The following POMZP3 variants were observed in gnomAD, a reference collection of about 807,000 sequenced individuals.
The protein encoded by POMZP3 is POM121 and ZP3 fusion.
Under a neutral mutation model 19.8 loss-of-function variants are expected in POMZP3, and 10 were observed. The observed-to-expected ratio is 0.51, with a 90% CI of 0.31 to 0.86. POMZP3 has a LOEUF of 0.86. POMZP3 is among the 40% of genes least tolerant of loss of function. POMZP3 has a pLI of 0.04. For missense variants in POMZP3, 152 were observed against 228.1 expected, an observed-to-expected ratio of 0.67 and a Z score of 2.15; for synonymous variants, 57 against 85.8, an observed-to-expected ratio of 0.66 and a Z score of 1.85.
intron 3 of POMZP3, among the ~76,000 whole-genome samples, chr7:76,625,078 A>T (rs2116884879): frequency 7.2e-6 from 1 of 139,700 alleles, no homozygotes; most frequent in South Asian, 2.4e-4. Context: ...GCTTGCAGTG[A>T]GCTGAGATCG....
At chr7:76,623,039 T>G (rs1231130681) in intron 3 of POMZP3, among the ~76,000 whole-genome samples, 1 of 151,690 alleles carries the variant, frequency 6.6e-6, no homozygotes. Context: ...TGGCTAATTT[T>G]CATATTTTGT....
chr7:76,625,248 G>A (rs1312519111), intron 3 of POMZP3, among the ~76,000 whole-genome samples: 1 of 149,310 alleles, frequency 6.7e-6, no homozygotes, highest in Non-Finnish European at 1.5e-5. Flanking sequence ...CTTTTAACAC[G>A]TTTCTACAGA....
chr7:76,624,448 A>AG (rs1815743387), intron 3 of POMZP3, among the ~76,000 whole-genome samples: 1 of 104,966 alleles, frequency 9.5e-6, no homozygotes, highest in Non-Finnish European at 1.9e-5. Flanking sequence ...AAACCACATA[A>AG]GGAATTTTTT....
chr7:76,625,949 G>T lies in POMZP3; in HGVS notation c.65+51C>A, dbSNP rs747470759. Reference sequence around the variant, plus strand: ...TGTTGTCATAGGAACAACTGGAGAAGAATAAAGTGGACACGAAAAGGGAGA... The same window carrying T: ...TGTTGTCATAGGAACAACTGGAGAATAATAAAGTGGACACGAAAAGGGAGA... On this transcript the variant is annotated intron_variant, in intron 2 of 6. Transcript: ENST00000310842. The T allele has an allele frequency of 4.4e-6, 7 of 1,606,986 alleles. No homozygotes were observed. The African/African-American group carries it at 6.7e-5, about 15-fold the overall frequency.
chr7:76,625,132 C>CAAAAAAAAAAAAAAAA, intron 3 of POMZP3, among the ~76,000 whole-genome samples: 1 of 54,388 alleles, frequency 1.8e-5, no homozygotes, highest in Non-Finnish European at 3.5e-5. Context: ...GACTCCAACT[C>CAAAAAAAAAAAAAAAA]AAAAAAAAAA....
chr7:76,625,452 G>A lies in POMZP3; in HGVS notation c.227+70C>T, dbSNP rs148261484. The A allele has an allele frequency of 7.3e-4, 1,161 of 1,599,886 alleles. 1 individual carries two copies. The African/African-American group carries it at 0.013, about 18-fold the overall frequency. ...TGGAGGTGGCCTCTGTATCTTTACG[G>A]GAATGTCTACATCTCATCCCATAGG... On this transcript the variant is annotated intron_variant, in intron 3 of 6. Coordinates refer to ENST00000310842, the MANE Select transcript of POMZP3 (RefSeq NM_012230.5).
Position 76,616,395 on chromosome 7 carries a change from C to G in POMZP3, c.345+1788G>C, listed in dbSNP as rs1815290638. Reference sequence around the variant, plus strand: ...TTAGTTAATGTTACAAAATGTGACACCAGGCCCTACCCCAATAGAGTGAAG... The same window carrying G: ...TTAGTTAATGTTACAAAATGTGACAGCAGGCCCTACCCCAATAGAGTGAAG... On this transcript the variant is annotated intron_variant, in intron 4 of 6. Transcript: ENST00000310842. Among the ~76,000 whole-genome samples the G allele has an allele frequency of 2.0e-5, 2 of 101,250 alleles. 1 individual carries two copies. The highest frequency in any genetic ancestry group is 4.4e-5 in the Non-Finnish European group (2 of 45,434). The allele number at this position is 101,250 out of a possible 152,430, so 66.4% of individuals were successfully genotyped here.
chr7:76,618,995 C>T (rs985055952), intron 3 of POMZP3, among the ~76,000 whole-genome samples: 3 of 152,080 alleles, frequency 2.0e-5, no homozygotes, highest in Admixed American at 2.0e-4. Context: ...ACCATATTGC[C>T]CAAGTTGGTC....
intron 3 of POMZP3, chr7:76,621,327 A>C (rs1815547210): frequency 6.7e-6 from 1 of 148,588 alleles, no homozygotes; most frequent in Non-Finnish European, 1.5e-5. Flanking sequence ...TTGATGCTGG[A>C]ACCCAGTGTC....
chr7:76,622,069 G>C (rs1241988405), intron 3 of POMZP3, among the ~76,000 whole-genome samples: 7 of 144,828 alleles, frequency 4.8e-5, no homozygotes, highest in Non-Finnish European at 1.1e-4. Context: ...ACTCCCACCA[G>C]CTTCATGACA....
chr7:76,626,594 C>A lies in POMZP3; in HGVS notation c.-152+114G>T, dbSNP rs1332693836. The stretch of plus-strand genomic sequence containing the variant: ...GCACACACCAAGGTGTTAAGGAGGG[C>A]AAAACCACACACAATTCCCTTCGGA... On this transcript the variant is annotated intron_variant, in intron 1 of 6. Transcript: ENST00000310842. 2.8e-6 allele frequency: 3 copies of A among 1,074,792 alleles called. No individual in the cohort carries two copies. The East Asian group carries it at 8.6e-5, about 31-fold the overall frequency. The allele number at this position is 1,074,792 out of a possible 1,614,324, so 66.6% of individuals were successfully genotyped here. A position where few individuals can be genotyped will look rare whatever the true frequency, so the allele number is the denominator to read the frequency against.
intron 4 of POMZP3, among the ~76,000 whole-genome samples, chr7:76,614,564 C>CCA (rs1563800573): frequency 2.1e-5 from 1 of 47,852 alleles, no homozygotes; most frequent in South Asian, 8.7e-4. Context: ...CCATTTCCCC[C>CCA]AAAAAAAAAA....
chr7:76,625,812 T>C lies in POMZP3; in HGVS notation c.66-129A>G, dbSNP rs572886681. On this transcript the variant is annotated intron_variant, in intron 2 of 6. Transcript: ENST00000310842. ...ACTCACAACAGTTCCCCTTAGCAAGTAAAGCTACTTTTTCGTTAACGGCAA... is the reference window on the plus strand; with the variant it reads ...ACTCACAACAGTTCCCCTTAGCAAGCAAAGCTACTTTTTCGTTAACGGCAA... The C allele has an allele frequency of 2.9e-6, 4 of 1,383,150 alleles. No individual in the cohort carries two copies. The East Asian group carries it at 7.1e-5, about 25-fold the overall frequency. The allele number at this position is 1,383,150 out of a possible 1,614,324, so 85.7% of individuals were successfully genotyped here. A position where few individuals can be genotyped will look rare whatever the true frequency, so the allele number is the denominator to read the frequency against.
intron 4 of POMZP3, among the ~76,000 whole-genome samples, chr7:76,612,026 C>T (rs1815134054): frequency 6.7e-6 from 1 of 149,432 alleles, no homozygotes; most frequent in Admixed American, 6.7e-5. Flanking sequence ...TGGTGAAACC[C>T]CATCGCTACT....
intron 6 of POMZP3, among the ~76,000 whole-genome samples, chr7:76,611,181 C>A (rs565941525): frequency 6.6e-6 from 1 of 150,622 alleles, no homozygotes; most frequent in Non-Finnish European, 1.5e-5. Context: ...GCCAGATTAT[C>A]TTAACAACTG....
At position 76,617,128 on chromosome 7, in the gene POMZP3, C is replaced by G. The variant is rs538765439; in HGVS notation, c.345+1055G>C. 2.1e-5 allele frequency among the ~76,000 whole-genome samples: 2 copies of G among 95,038 alleles called. 1 individual carries two copies. The highest frequency in any genetic ancestry group is 2.0e-4 in the Admixed American group (2 of 9,818). The allele number at this position is 95,038 out of a possible 152,430, so 62.3% of individuals were successfully genotyped here. On this transcript the variant is annotated intron_variant, in intron 4 of 6. Coordinates refer to ENST00000310842, the MANE Select transcript of POMZP3 (RefSeq NM_012230.5). ...GGACTACAGGTGCCCACCATCATGC[C>G]CAGCTAATTTTTTGTATTTTTAGTA... is the stretch of plus-strand genomic sequence containing the variant.
intron 6 of POMZP3, among the ~76,000 whole-genome samples, chr7:76,611,226 T>G (rs1186742723): frequency 6.6e-6 from 1 of 151,724 alleles, no homozygotes; most frequent in East Asian, 1.9e-4. Flanking sequence ...TATGTCTCAG[T>G]AGAAGCCTAG....
At position 76,626,812 on chromosome 7, in the gene POMZP3, C is replaced by CG; in HGVS notation, c.-257dup. On this transcript the variant is annotated 5_prime_UTR_variant, in exon 1 of 7. It removes the in-frame stop codon of an upstream open reading frame in the 5' UTR. Coordinates refer to ENST00000310842, the MANE Select transcript of POMZP3 (RefSeq NM_012230.5). The stretch of plus-strand genomic sequence containing the variant: ...GGGAGGGCGGTGTGGAGCGCGGCGC[C>CG]GGGCGGGCGGGCGGCGGCCAGGCCT... The CG allele has an allele frequency of 1.6e-6, 1 of 639,054 alleles. No homozygotes were observed. Among genetic ancestry groups the CG allele is most frequent in the Non-Finnish European group, 2.1e-6 (1 of 467,096 alleles). The allele number at this position is 639,054 out of a possible 1,614,324, so 39.6% of individuals were successfully genotyped here. A position where few individuals can be genotyped will look rare whatever the true frequency, so the allele number is the denominator to read the frequency against.
In POMZP3 at chr7:76,627,277, C is replaced by G. The variant is rs1277661902; in HGVS notation, c.-721G>C. 7.5e-7 allele frequency: 1 copy of G among 1,331,428 alleles called. No individual in the cohort carries two copies. Among genetic ancestry groups the G allele is most frequent in the African/African-American group, 1.5e-5 (1 of 65,002 alleles). The allele number at this position is 1,331,428 out of a possible 1,614,324, so 82.5% of individuals were successfully genotyped here. A position where few individuals can be genotyped will look rare whatever the true frequency, so the allele number is the denominator to read the frequency against. On this transcript the variant is annotated 5_prime_UTR_variant, in exon 1 of 7. Transcript: ENST00000310842. ...TCGCGGCTCCGCGCCGCGGAGGAGA[C>G]TTAAATATCCCAGCGTGCACCGCGC...
Sources: allele counts gnomAD v4.1 joint callset (sites outside exome capture counted in the v4.1 genomes callset), GRCh38; gene constraint gnomAD v4.1.1; transcripts MANE v1.5; gene names NCBI Gene and HGNC (gene_info 2026-07-23, HGNC 2026-07-21).